Variants in NFE2L3 observed in about 807,000 individuals in gnomAD.
NFE2L3 encodes the protein NFE2 like bZIP transcription factor 3.
A neutral mutation model predicts 23.5 loss-of-function variants in NFE2L3; 18 were observed. That is an observed-to-expected ratio of 0.77 (90% CI 0.53 to 1.13). The LOEUF is 1.13. Among genes scored for constraint, NFE2L3 ranks in the 50% most tolerant of loss-of-function variants. The pLI is 0.00. For missense variants in NFE2L3, 1,152 were observed against 877.2 expected (o/e 1.31, Z -3.96); for synonymous variants, 424 against 354.5 (o/e 1.20, Z -2.20).
chr7:26,181,063 ACCT>A (rs1784498642), intron 2 of NFE2L3, among the ~76,000 whole-genome samples: 1 of 151,948 alleles, frequency 6.6e-6, no homozygotes, highest in African/African-American at 2.4e-5. Context: ...TGCAGCCTAA[ACCT>A]CCTGGGCTCA....
chr7:26,182,467 T>C (rs954589810), intron 2 of NFE2L3, among the ~76,000 whole-genome samples: 4 of 145,028 alleles, frequency 2.8e-5, no homozygotes, highest in African/African-American at 5.8e-5. Flanking sequence ...CTACTAAAAA[T>C]ATAAAAATTG....
intron 1 of NFE2L3, among the ~76,000 whole-genome samples, chr7:26,165,632 C>G (rs796377371): frequency 6.6e-6 from 1 of 152,050 alleles, no homozygotes; most frequent in Admixed American, 6.6e-5. Context: ...AATTGAATAC[C>G]CTTTATTTCC....
At chr7:26,163,133 C>T (rs1188181912) in intron 1 of NFE2L3, among the ~76,000 whole-genome samples, 2 of 152,144 alleles carry the variant, frequency 1.3e-5, no homozygotes, top group East Asian at 1.9e-4. Context: ...AACTCTTGCC[C>T]TCTCTGTCCG....
At chr7:26,168,661 C>G (rs941535015) in intron 1 of NFE2L3, among the ~76,000 whole-genome samples, 14 of 151,406 alleles carry the variant, frequency 9.2e-5, no homozygotes, top group Admixed American at 7.9e-4. Context: ...TTTGGAATTG[C>G]GAATTGTGCT....
intron 2 of NFE2L3, among the ~76,000 whole-genome samples, chr7:26,180,240 C>G (rs1784482438): frequency 1.3e-5 from 2 of 152,156 alleles, no homozygotes; most frequent in South Asian, 2.1e-4. Flanking sequence ...TTTTGACATT[C>G]TTCAGATGAA....
In NFE2L3 at chr7:26,166,578, T is replaced by C. The variant is rs562625891; in HGVS notation, c.571-11365T>C. Among the ~76,000 whole-genome samples, 4 of 152,344 alleles carry C rather than the reference T, an allele frequency of 2.6e-5. No homozygotes were observed. In the South Asian group the frequency reaches 6.2e-4, roughly 24 times the overall value. On this transcript the variant is annotated intron_variant, in intron 1 of 3. Transcript: ENST00000056233. ...CTCTCTGTGTCTCAGTTTCCTCCTC[T>C]GTAATAACAATACCTACCTTACAGG...
rs1223433086 is a variant in NFE2L3, at chr7:26,152,872, AC to A, written c.375del (p.His125GlnfsTer71). 6.8e-7 allele frequency: 1 copy of A among 1,466,756 alleles called. No homozygotes were observed. Among genetic ancestry groups the A allele is most frequent in the African/African-American group, 1.5e-5 (1 of 67,786 alleles). The allele number at this position is 1,466,756 out of a possible 1,614,324, so 90.9% of individuals were successfully genotyped here. A position where few individuals can be genotyped will look rare whatever the true frequency, so the allele number is the denominator to read the frequency against. The part of the protein sequence containing the change: ...SVAAGSADEA[H>X]GLLGAAAASS... ...GCTGCCGGGAGCGCGGACGAGGCCC[AC>A]GGGCTGCTCGGCGCCGCCGCCGCCT... On this transcript the variant is annotated frameshift_variant, in exon 1 of 4. Coordinates refer to ENST00000056233, the MANE Select transcript of NFE2L3 (RefSeq NM_004289.7). LOFTEE classifies it high-confidence loss of function. The surrounding 1 kb of genome is among the most constrained non-coding windows in gnomAD (Gnocchi z 4.4).
intron 1 of NFE2L3, among the ~76,000 whole-genome samples, chr7:26,177,495 G>GCCGAGGCAGGACAATCACGGGAGC (rs1350227399): frequency 2.1e-4 from 32 of 152,320 alleles, no homozygotes; most frequent in Non-Finnish European, 4.1e-4. Flanking sequence ...CACTGGGCGG[G>GCCGAGGCAGGACAATCACGGGAGC]CCGAGGCAGG....
intron 2 of NFE2L3, among the ~76,000 whole-genome samples, chr7:26,181,639 T>G (rs992987213): frequency 6.6e-6 from 1 of 152,092 alleles, no homozygotes; most frequent in African/African-American, 2.4e-5. Context: ...TGCTCACCTT[T>G]TAAGAATTAA....
rs1370852401 is a variant in NFE2L3, at chr7:26,152,686, C to T, written c.188C>T (p.Ser63Leu). The change falls in exon 1 of 4, where the codon TCG becomes TTG. Residue 63 changes from serine (S) to leucine (L), a missense_variant. Coordinates refer to ENST00000056233, the MANE Select transcript of NFE2L3 (RefSeq NM_004289.7). The surrounding 1 kb of genome is among the most constrained non-coding windows in gnomAD (Gnocchi z 4.4). ...ASSAYALSPF[S>L]ASGGWGRAGH... The stretch of plus-strand genomic sequence containing the variant: ...TCCGCCTACGCGCTCAGCCCCTTCT[C>T]GGCCTCGGGAGGGTGGGGGCGCGCG... 1.3e-6 allele frequency: 2 copies of T among 1,483,888 alleles called. No individual in the cohort carries two copies. Among genetic ancestry groups the T allele is most frequent in the East Asian group, 2.8e-5 (1 of 35,098 alleles). The allele number at this position is 1,483,888 out of a possible 1,614,324, so 91.9% of individuals were successfully genotyped here.
intron 1 of NFE2L3, among the ~76,000 whole-genome samples, chr7:26,177,426 A>G (rs151253470): frequency 0.031 from 4,745 of 152,250 alleles, 82 homozygotes; most frequent in Middle Eastern, 0.054. Context: ...GCGAAACCCC[A>G]TCTCCACCAA....
chr7:26,179,423 C>T (rs1165476657), intron 2 of NFE2L3, among the ~76,000 whole-genome samples: 1 of 151,676 alleles, frequency 6.6e-6, no homozygotes, highest in Non-Finnish European at 1.5e-5. Flanking sequence ...TCACCTGAGC[C>T]TGGGAGGTCG....
chr7:26,185,470 C>T lies in NFE2L3; in HGVS notation c.1772C>T (p.Ala591Val), dbSNP rs544774003. Residue 591 changes from alanine (A) to valine (V), a missense_variant, in exon 4 of 4, where the codon GCT (alanine) becomes GTT (valine). By Grantham distance (64) the Ala-to-Val change is moderately conservative (BLOSUM62 0). Transcript: ENST00000056233. ...AGACGAAGAGGGAAAAATAAAGTTG[C>T]TGCGCAGAACTGTCGTAAACGCAAA... The part of the protein sequence containing the change: ...DIRRRGKNKV[A>V]AQNCRKRKLD... The T allele has an allele frequency of 1.9e-6, 3 of 1,614,014 alleles. No individual in the cohort carries two copies. The South Asian group carries it at 3.3e-5, about 18-fold the overall frequency.
Position 26,152,659 on chromosome 7 carries a change from G to A in NFE2L3, c.161G>A (p.Ser54Asn). ...DELLFLGGPASSAYALSPFSA... is the reference protein window; with the variant it reads ...DELLFLGGPANSAYALSPFSA... Reference sequence around the variant, plus strand: ...CTGCTGTTCCTGGGCGGCCCGGCCAGCTCCGCCTACGCGCTCAGCCCCTTC... The same window carrying A: ...CTGCTGTTCCTGGGCGGCCCGGCCAACTCCGCCTACGCGCTCAGCCCCTTC... The change falls in exon 1 of 4, where the codon AGC becomes AAC. Residue 54 changes from serine (S) to asparagine (N), a missense_variant. Coordinates refer to ENST00000056233, the MANE Select transcript of NFE2L3 (RefSeq NM_004289.7). This position sits in a 1 kb window ranked among gnomAD's most constrained non-coding sequence, Gnocchi z 4.4. 6.7e-7 allele frequency: 1 copy of A among 1,497,758 alleles called. No individual in the cohort carries two copies. Among genetic ancestry groups the A allele is most frequent in the South Asian group, 1.3e-5 (1 of 79,830 alleles). 92.8% of individuals were successfully genotyped at this position (1,497,758 alleles called of 1,614,324 possible).
At position 26,182,317 on chromosome 7, in the gene NFE2L3, C is replaced by T. The variant is rs1303766955; in HGVS notation, c.751-1384C>T. On this transcript the variant is annotated intron_variant, in intron 2 of 3. Coordinates refer to ENST00000056233, the MANE Select transcript of NFE2L3 (RefSeq NM_004289.7). ...TTTACCAGTTAACTCATCATTTAAG[C>T]ATGAAGGCAAAATAATTCCATGTAG... Among the ~76,000 whole-genome samples the T allele has an allele frequency of 2.3e-5, 3 of 130,960 alleles. No homozygotes were observed. In the East Asian group the frequency reaches 7.7e-4, roughly 34 times the overall value. The allele number at this position is 130,960 out of a possible 152,430, so 85.9% of individuals were successfully genotyped here.
At chr7:26,171,206 T>C (rs1784323679) in intron 1 of NFE2L3, among the ~76,000 whole-genome samples, 1 of 152,180 alleles carries the variant, frequency 6.6e-6, no homozygotes, top group South Asian at 2.1e-4. Flanking sequence ...TGAGGAGATT[T>C]TAATATCTGT....
At chr7:26,155,996 C>T (rs915774136) in intron 1 of NFE2L3, among the ~76,000 whole-genome samples, 1 of 152,182 alleles carries the variant, frequency 6.6e-6, no homozygotes, top group South Asian at 2.1e-4. Flanking sequence ...CACCTGTCCC[C>T]ACTCACTGGA....
At chr7:26,177,337 C>T (rs1784431268) in intron 1 of NFE2L3, among the ~76,000 whole-genome samples, 1 of 152,262 alleles carries the variant, frequency 6.6e-6, no homozygotes, top group African/African-American at 2.4e-5. Context: ...GAGACTCCCT[C>T]TGCAATCCCA....
Position 26,184,610 on chromosome 7 carries a change from C to T in NFE2L3, c.912C>T (p.Asn304=), listed in dbSNP as rs760692821. The change falls in exon 4 of 4, where the codon AAC becomes AAT. Residue 304 remains asparagine (N), a synonymous_variant. Transcript: ENST00000056233. ...ATTCTTCAGCACATTATCATGTAAA[C>T]TTCAGCCAGGCTATAAGTCAGGATG... ...GMNSSAHYHV[N]FSQAISQDVN... 3.1e-6 allele frequency: 5 copies of T among 1,613,882 alleles called. No individual in the cohort carries two copies. In the South Asian group the frequency reaches 4.4e-5, roughly 14 times the overall value.
Sources: gnomAD v4.1 joint callset for allele counts (sites outside exome capture counted in the v4.1 genomes callset) on GRCh38, gnomAD v4.1.1 for gene constraint, Gnocchi (gnomAD v3.1) non-coding constraint, MANE v1.5 for transcripts, NCBI Gene and HGNC (gene_info 2026-07-23, HGNC 2026-07-21) for gene names.